PRUNE2: variants seen among roughly 807,000 people sequenced by gnomAD.
PRUNE2 encodes protein prune homolog 2.
PRUNE2 carries 164 observed loss-of-function variants against 252.0 expected under a neutral mutation model. The observed-to-expected ratio is 0.65, with a 90% CI of 0.57 to 0.74. The LOEUF (loss-of-function observed/expected upper bound fraction) is 0.74, where lower values mean the gene tolerates loss of function less well. PRUNE2 is among the 30% of genes least tolerant of loss of function. The probability of loss-of-function intolerance (pLI) is 0.00; values close to 1 mark genes in which losing one functional copy is unlikely to be tolerated. For missense variants in PRUNE2, 3,495 were observed against 3,711.0 expected, an observed-to-expected ratio of 0.94 and a Z score of 1.51; for synonymous variants, 1,292 against 1,350.2, an observed-to-expected ratio of 0.96 and a Z score of 0.94.
intron 1 of PRUNE2, 123 bp downstream of exon 1, chr9:76,905,805 G>C: frequency 7.9e-7 from 1 of 1,265,242 alleles, no homozygotes; most frequent in Non-Finnish European, 1.2e-6. Context: ...GAGACAACCC[G>C]CACACCCTGA....
rs535155627 is a variant in PRUNE2, at chr9:76,837,979, G to C, written c.508+8536C>G. 5.3e-5 allele frequency among the ~76,000 whole-genome samples: 8 copies of C among 151,952 alleles called. No individual in the cohort carries two copies. In the East Asian group the frequency reaches 1.6e-3, roughly 30 times the overall value. On this transcript the variant is annotated intron_variant, in intron 4 of 18. Coordinates refer to ENST00000376718, the MANE Select transcript of PRUNE2 (RefSeq NM_015225.3). ...GTAGAGACGGGGTTTCACCGTGTTAGCCAGGATGGTCTCGATCTCCTGACC... is the reference window on the plus strand; with the variant it reads ...GTAGAGACGGGGTTTCACCGTGTTACCCAGGATGGTCTCGATCTCCTGACC...
In PRUNE2 at chr9:76,629,185, G is replaced by A. The variant is rs765821007; in HGVS notation, c.9149+7C>T. On this transcript the variant is annotated splice_region_variant and intron_variant, in intron 16 of 18. Coordinates refer to ENST00000376718, the MANE Select transcript of PRUNE2 (RefSeq NM_015225.3). ...CTTAACACATCTCTGAAACTGTCAG[G>A]ACTTACTTGATGATGCTCTCTGGAA... 1.2e-5 allele frequency: 18 copies of A among 1,559,154 alleles called. No individual in the cohort carries two copies. The highest frequency in any genetic ancestry group is 1.6e-5 in the Non-Finnish European group (18 of 1,136,502).
At chr9:76,889,737 G>T (rs140712003) in intron 1 of PRUNE2, among the ~76,000 whole-genome samples, 40 of 152,300 alleles carry the variant, frequency 2.6e-4, no homozygotes, top group Non-Finnish European at 4.9e-4. Context: ...CCTCCTCGGG[G>T]GGAAGCATGC....
At chr9:76,746,269 A>G (rs549040406) in intron 6 of PRUNE2, among the ~76,000 whole-genome samples, 1 of 152,268 alleles carries the variant, frequency 6.6e-6, no homozygotes, top group East Asian at 1.9e-4. Context: ...TGGTCACTGG[A>G]AAGATCAGGG....
chr9:76,749,709 T>G (rs1480363599), intron 6 of PRUNE2, among the ~76,000 whole-genome samples: 1 of 152,198 alleles, frequency 6.6e-6, no homozygotes, highest in East Asian at 1.9e-4. Flanking sequence ...GACCCCAGTT[T>G]GGTTTGTAAC....
intron 6 of PRUNE2, among the ~76,000 whole-genome samples, chr9:76,749,686 C>T (rs906415760): frequency 4.6e-5 from 7 of 152,128 alleles, no homozygotes; most frequent in African/African-American, 1.4e-4. Context: ...GACTTTACTG[C>T]GTCAGGTGAG....
intron 9 of PRUNE2, among the ~76,000 whole-genome samples, chr9:76,690,389 C>G (rs677061): frequency 0.52 from 78,431 of 152,060 alleles, 21,304 homozygotes; most frequent in Middle Eastern, 0.64. Flanking sequence ...AGGAAAAAAA[C>G]CCAGCTTTTA....
intron 6 of PRUNE2, among the ~76,000 whole-genome samples, chr9:76,803,302 A>AT (rs2056692981): frequency 6.6e-6 from 1 of 152,228 alleles, no homozygotes; most frequent in Admixed American, 6.5e-5. Context: ...GCATGGAAGA[A>AT]TGTGTGGAAT....
intron 1 of PRUNE2, among the ~76,000 whole-genome samples, chr9:76,897,737 C>A (rs1175719643): frequency 6.6e-6 from 1 of 152,102 alleles, no homozygotes; most frequent in Non-Finnish European, 1.5e-5. Context: ...CTTAACCTCA[C>A]TGAGCCTCAG....
intron 6 of PRUNE2, among the ~76,000 whole-genome samples, chr9:76,792,655 C>T (rs1202953427): frequency 6.6e-6 from 1 of 152,172 alleles, no homozygotes; most frequent in Admixed American, 6.5e-5. Context: ...ATTTTGTCCA[C>T]TACTTAAAGA....
intron 1 of PRUNE2, among the ~76,000 whole-genome samples, chr9:76,897,407 T>A (rs1460717269): frequency 2.6e-5 from 3 of 116,994 alleles, no homozygotes; most frequent in Non-Finnish European, 5.4e-5. Context: ...TTTTTTTTTT[T>A]TTTTTTTTTT....
intron 6 of PRUNE2, chr9:76,748,636 T>C (rs2050345714): frequency 6.6e-6 from 1 of 152,232 alleles, no homozygotes; most frequent in South Asian, 2.1e-4. Context: ...TTATGGCACA[T>C]AAATGATATC....
At chr9:76,720,050 A>G (rs1028030882) in intron 6 of PRUNE2, among the ~76,000 whole-genome samples, 1 of 152,242 alleles carries the variant, frequency 6.6e-6, no homozygotes, top group Admixed American at 6.5e-5. Flanking sequence ...CAAACAATCT[A>G]AATGTCCAAC....
intron 6 of PRUNE2, among the ~76,000 whole-genome samples, chr9:76,762,068 G>A (rs930788007): frequency 4.6e-5 from 7 of 152,104 alleles, no homozygotes; most frequent in African/African-American, 1.7e-4. Context: ...AGCCTCCAAT[G>A]CATCTGGTGC....
chr9:76,787,236 C>T (rs1169087987), intron 6 of PRUNE2: 23 of 151,548 alleles, frequency 1.5e-4, no homozygotes, highest in East Asian at 1.9e-4. Flanking sequence ...TTTTCTTACT[C>T]TTTTATCACC....
chr9:76,722,783 C>G (rs2047759587), intron 6 of PRUNE2, among the ~76,000 whole-genome samples: 1 of 152,136 alleles, frequency 6.6e-6, no homozygotes, highest in African/African-American at 2.4e-5. Context: ...TGATGCCACC[C>G]AGCTCACAGC....
chr9:76,774,450 C>CTTTTTTTATTTATTTATTTATTTATT lies in PRUNE2; in HGVS notation c.756+49181_756+49182insAATAAATAAATAAATAAATAAAAAAA, dbSNP rs1564272256. 2.0e-3 allele frequency among the ~76,000 whole-genome samples: 81 copies of CTTTTTTTATTTATTTATTTATTTATT among 41,384 alleles called. 2 individuals are homozygous for CTTTTTTTATTTATTTATTTATTTATT. The highest frequency in any genetic ancestry group is 8.2e-3 in the East Asian group (8 of 972). The allele number at this position is 41,384 out of a possible 152,430, so 27.1% of individuals were successfully genotyped here. On this transcript the variant is annotated intron_variant, in intron 6 of 18. Coordinates refer to ENST00000376718, the MANE Select transcript of PRUNE2 (RefSeq NM_015225.3). The stretch of plus-strand genomic sequence containing the variant: ...ATCGTTCCTGGCCTCCAGTTCAACC[C>CTTTTTTTATTTATTTATTTATTTATT]TTTTTTTTTTTTTTTTTTTTTTTTT...
chr9:76,655,250 T>G (rs2133366990), intron 10 of PRUNE2, among the ~76,000 whole-genome samples, 173 bp downstream of exon 10: 1 of 152,296 alleles, frequency 6.6e-6, no homozygotes, highest in African/African-American at 2.4e-5. Flanking sequence ...TCAAGCCAAC[T>G]CTTAAATTAA....
chr9:76,692,382 C>CGA (rs1012346026), intron 9 of PRUNE2: 1 of 510,180 alleles, frequency 2.0e-6, no homozygotes, highest in African/African-American at 1.9e-5. Context: ...AAAACTGCTG[C>CGA]TACTCCTGCT....
Sources: allele counts gnomAD v4.1 joint callset (sites outside exome capture counted in the v4.1 genomes callset), GRCh38; gene constraint gnomAD v4.1.1; transcripts MANE v1.5; gene names NCBI Gene and HGNC (gene_info 2026-07-23, HGNC 2026-07-21).